RAE1: variants seen among roughly 807,000 people sequenced by gnomAD.
RAE1 encodes the protein mRNA export factor RAE1.
RAE1 carries 13 observed loss-of-function variants against 52.7 expected under a neutral mutation model. That is an observed-to-expected ratio of 0.25 (90% CI 0.16 to 0.39). The LOEUF (loss-of-function observed/expected upper bound fraction) is 0.39, where lower values mean the gene tolerates loss of function less well. Among genes scored for constraint, RAE1 ranks in the 10% least tolerant of loss-of-function variants. The pLI, the probability that RAE1 is intolerant of heterozygous loss-of-function variation, is 1.00. For synonymous variants in RAE1, 164 were observed against 153.1 expected (o/e 1.07, Z -0.52); for missense variants, 262 against 459.8 (o/e 0.57, Z 3.93).
intron 1 of RAE1, 154 bp downstream of exon 1, chr20:57,351,576 A>T (rs2066709378): frequency 1.0e-6 from 1 of 985,362 alleles, no homozygotes; most frequent in Admixed American, 6.1e-5. Flanking sequence ...GCGAGGTCAG[A>T]GCTGGAAATG....
chr20:57,368,763 A>G lies in RAE1; in HGVS notation c.593A>G (p.Glu198Gly). The G allele has an allele frequency of 6.2e-7, 1 of 1,613,782 alleles. No individual in the cohort carries two copies. Among genetic ancestry groups the G allele is most frequent in the Non-Finnish European group, 8.5e-7 (1 of 1,179,912 alleles). ...AERGLIVYQL[E>G]NQPSEFRRIE... ...AGGGGCCTGATTGTCTATCAGCTAG[A>G]GAATCAACCTTCTGAATTCAGGAGG... Residue 198 changes from glutamate (E) to glycine (G), a missense_variant, in exon 8 of 12, where the codon GAG becomes GGG. Transcript: ENST00000395841.
rs2066786994 is a variant in RAE1 at position 57,356,380 on chromosome 20, T to C, written c.196-66T>C. 3.9e-6 allele frequency: 5 copies of C among 1,284,074 alleles called. No individual in the cohort carries two copies. In the Admixed American group the frequency reaches 7.8e-5, roughly 20 times the overall value. The allele number at this position is 1,284,074 out of a possible 1,614,324, so 79.5% of individuals were successfully genotyped here. A position where few individuals can be genotyped will look rare whatever the true frequency, so the allele number is the denominator to read the frequency against. On this transcript the variant is annotated intron_variant, in intron 3 of 11. Coordinates refer to ENST00000395841, the MANE Select transcript of RAE1 (RefSeq NM_003610.4). Reference sequence around the variant, plus strand: ...GGTTAAGGTGTACCCCATTAGTTTTTAGGTGTTAAATGCAAGCAATACATC... The same window carrying C: ...GGTTAAGGTGTACCCCATTAGTTTTCAGGTGTTAAATGCAAGCAATACATC...
At position 57,374,799 on chromosome 20, in the gene RAE1, A is replaced by C; in HGVS notation, c.1018A>C (p.Lys340Gln). ...FAYASSYDWSKGHEFYNPQKK... is the reference protein window; with the variant it reads ...FAYASSYDWSQGHEFYNPQKK... ...ATACGCTTCCAGCTACGACTGGTCAAAGGTGAGAACTCCCGGGCCTGCTCT... is the reference window on the plus strand; with the variant it reads ...ATACGCTTCCAGCTACGACTGGTCACAGGTGAGAACTCCCGGGCCTGCTCT... The change falls in exon 11 of 12, where the codon AAG becomes CAG. Residue 340 changes from lysine to glutamine, a missense_variant and splice_region_variant. Lys to Gln is a moderately conservative substitution (Grantham distance 53). Transcript: ENST00000395841. 1.2e-6 allele frequency: 2 copies of C among 1,614,190 alleles called. No individual in the cohort carries two copies. The highest frequency in any genetic ancestry group is 1.7e-6 in the Non-Finnish European group (2 of 1,180,044).
At chr20:57,372,214 G>C (rs1296558530) in intron 8 of RAE1, 2 of 152,234 alleles carry the variant, frequency 1.3e-5, no homozygotes, top group Non-Finnish European at 2.9e-5. Flanking sequence ...CTGGTTCAAG[G>C]CGTCCTCCGG....
Position 57,374,596 on chromosome 20 carries a change from A to T in RAE1, c.826-11A>T. On this transcript the variant is annotated splice_polypyrimidine_tract_variant and intron_variant, in intron 10 of 11. Transcript: ENST00000395841. ...TGCCTGGCTTCTCATTGTGCATGTC[A>T]ATCCTTGCAGGTAAATGGAATCGCG... The T allele has an allele frequency of 6.2e-7, 1 of 1,606,194 alleles. No individual in the cohort carries two copies. The highest frequency in any genetic ancestry group is 8.5e-7 in the Non-Finnish European group (1 of 1,175,510).
intron 8 of RAE1, among the ~76,000 whole-genome samples, chr20:57,370,524 G>T (rs866076463): frequency 6.6e-6 from 1 of 152,128 alleles, no homozygotes; most frequent in Non-Finnish European, 1.5e-5. Context: ...CTGGAGACTC[G>T]TACCTCATTC....
intron 1 of RAE1, among the ~76,000 whole-genome samples, chr20:57,353,315 T>C (rs2066737980): frequency 6.6e-6 from 1 of 152,236 alleles, no homozygotes; most frequent in South Asian, 2.1e-4. Context: ...ATGTTCTCTA[T>C]GTTTGCAGAG....
chr20:57,354,629 G>A lies in RAE1; in HGVS notation c.91-83G>A, dbSNP rs575109284. ...TTCTTGTACACAAGGAAAGGCCACC[G>A]TGAGGTAATTAGTGAGAAAGAAAAC... On this transcript the variant is annotated intron_variant, in intron 2 of 11. Transcript: ENST00000395841. 3.9e-5 allele frequency: 37 copies of A among 953,638 alleles called. 1 individual carries two copies. In the South Asian group the frequency reaches 4.8e-4, roughly 12 times the overall value. 59.1% of individuals were successfully genotyped at this position (953,638 alleles called of 1,614,324 possible).
chr20:57,366,987 G>C (rs755326499), intron 6 of RAE1, 21 bp from the exon 7 acceptor site: 2 of 1,600,438 alleles, frequency 1.2e-6, no homozygotes, highest in Non-Finnish European at 8.6e-7. Flanking sequence ...TCACATACTG[G>C]CTTCTCTTTT....
intron 4 of RAE1, 100 bp downstream of exon 4, chr20:57,356,638 T>G: frequency 9.4e-7 from 1 of 1,067,472 alleles, no homozygotes; most frequent in Non-Finnish European, 1.3e-6. Context: ...TGTGTTCATA[T>G]TGTAGGAATT....
At chr20:57,352,831 G>A (rs1293167339) in intron 1 of RAE1, among the ~76,000 whole-genome samples, 2 of 152,228 alleles carry the variant, frequency 1.3e-5, no homozygotes, top group African/African-American at 2.4e-5. Context: ...CACCTGGACT[G>A]ATTGCAGAAG....
intron 4 of RAE1, among the ~76,000 whole-genome samples, chr20:57,356,838 G>A (rs575862993): frequency 1.3e-5 from 2 of 152,324 alleles, no homozygotes; most frequent in East Asian, 3.9e-4. Flanking sequence ...TGCAGTGGGC[G>A]GGCCTCCTGG....
intron 3 of RAE1, among the ~76,000 whole-genome samples, chr20:57,355,340 C>T (rs1228872054): frequency 6.6e-6 from 1 of 152,154 alleles, no homozygotes; most frequent in Non-Finnish European, 1.5e-5. Context: ...AAACCTGAAC[C>T]ATTCATCCAT....
intron 3 of RAE1, among the ~76,000 whole-genome samples, chr20:57,355,718 A>T (rs901273097): frequency 1.3e-5 from 2 of 152,214 alleles, no homozygotes; most frequent in Admixed American, 6.5e-5. Flanking sequence ...TACCATTGTA[A>T]GTTTTTGGAA....
intron 4 of RAE1, 21 bp downstream of exon 4, chr20:57,356,559 C>T (rs774418452): frequency 1.8e-5 from 29 of 1,579,988 alleles, no homozygotes; most frequent in Non-Finnish European, 2.3e-5. Flanking sequence ...TTCCATTTCT[C>T]GTGTTCCATT....
intron 1 of RAE1, among the ~76,000 whole-genome samples, chr20:57,353,802 A>G (rs911764050): frequency 4.6e-5 from 7 of 152,260 alleles, no homozygotes; most frequent in African/African-American, 1.7e-4. Flanking sequence ...GGGAAACTAG[A>G]TATGGAGTGT....
chr20:57,353,949 C>G lies in RAE1; in HGVS notation c.-7-83C>G, dbSNP rs764396804. ...GCCTCAAGCCACTTTGAGTATTTCT[C>G]TTCTGCCAGTTAATTATCTTACCAT... is the stretch of plus-strand genomic sequence containing the variant. On this transcript the variant is annotated intron_variant, in intron 1 of 11. Transcript: ENST00000395841. 4.2e-5 allele frequency: 52 copies of G among 1,245,050 alleles called. 1 individual carries two copies. The highest frequency in any genetic ancestry group is 5.3e-5 in the Non-Finnish European group (46 of 868,386). 77.1% of individuals were successfully genotyped at this position (1,245,050 alleles called of 1,614,324 possible).
chr20:57,358,999 C>G, intron 4 of RAE1: 1 of 1,516,170 alleles, frequency 6.6e-7, no homozygotes, highest in South Asian at 1.3e-5. Context: ...ATCAATTTCA[C>G]TGGTTGAAAG....
At chr20:57,357,020 G>A (rs992327258) in intron 4 of RAE1, among the ~76,000 whole-genome samples, 19 of 152,238 alleles carry the variant, frequency 1.2e-4, no homozygotes, top group African/African-American at 4.6e-4. Flanking sequence ...CAACAGTAGT[G>A]AGAATGTTAA....
Sources: gnomAD v4.1 joint callset for allele counts (sites outside exome capture counted in the v4.1 genomes callset) on GRCh38, gnomAD v4.1.1 for gene constraint, MANE v1.5 for transcripts, NCBI Gene and HGNC (gene_info 2026-07-23, HGNC 2026-07-21) for gene names.